SLC35F1: variants seen among roughly 807,000 people sequenced by gnomAD.
SLC35F1 encodes the protein chromosome 6 open reading frame 169.
SLC35F1 carries 14 observed loss-of-function variants against 48.7 expected under a neutral mutation model. The ratio of observed to expected loss-of-function variants is 0.29; its 90% confidence interval spans 0.19 to 0.45. SLC35F1 has a LOEUF of 0.45. SLC35F1 is among the 20% of genes least tolerant of loss of function. SLC35F1 has a pLI of 1.00. For synonymous variants in SLC35F1, 190 were observed against 202.2 expected, an observed-to-expected ratio of 0.94 and a Z score of 0.51; for missense variants, 404 against 500.0, an observed-to-expected ratio of 0.81 and a Z score of 1.83.
chr6:118,038,144 T>C (rs1772161234), intron 1 of SLC35F1, among the ~76,000 whole-genome samples: 1 of 152,196 alleles, frequency 6.6e-6, no homozygotes, highest in African/African-American at 2.4e-5. Flanking sequence ...ATGAGTTATA[T>C]CTACATACAT....
Position 118,235,587 on chromosome 6 carries a change from A to G in SLC35F1, c.428A>G (p.Asn143Ser). ...TTGGGACTCATAGACCTGGAAGCAA[A>G]TTATCTGGTGGTCAAGGCTTACCAA... The part of the protein sequence containing the change: ...MILGLIDLEA[N>S]YLVVKAYQYT... The change falls in exon 3 of 8, where the codon AAT becomes AGT. Residue 143 changes from asparagine to serine, a missense_variant. Asn to Ser is a conservative substitution (Grantham distance 46, BLOSUM62 1). Coordinates refer to ENST00000360388, the MANE Select transcript of SLC35F1 (RefSeq NM_001029858.4). 6.2e-7 allele frequency: 1 copy of G among 1,613,466 alleles called. No individual in the cohort carries two copies. Among genetic ancestry groups the G allele is most frequent in the Non-Finnish European group, 8.5e-7 (1 of 1,179,632 alleles).
chr6:118,182,603 C>T (rs1350258770), intron 2 of SLC35F1, among the ~76,000 whole-genome samples: 3 of 150,366 alleles, frequency 2.0e-5, no homozygotes, highest in African/African-American at 7.3e-5. Flanking sequence ...CAGTGGCTCA[C>T]TCCTGAAATC....
intron 1 of SLC35F1, among the ~76,000 whole-genome samples, chr6:117,924,824 C>T (rs563371530): frequency 2.8e-4 from 42 of 152,202 alleles, no homozygotes; most frequent in African/African-American, 9.4e-4. Context: ...TTTTTGATAT[C>T]ATTTGTATTG....
intron 2 of SLC35F1, among the ~76,000 whole-genome samples, chr6:118,184,900 A>G (rs1774635355): frequency 6.6e-6 from 1 of 152,136 alleles, no homozygotes; most frequent in South Asian, 2.1e-4. Context: ...ATCTTTCCCC[A>G]TATCAGAGAT....
chr6:118,277,381 T>G (rs1164297141), intron 5 of SLC35F1, 113 bp from the exon 6 acceptor site: 2 of 941,150 alleles, frequency 2.1e-6, no homozygotes, highest in Non-Finnish European at 3.3e-6. Context: ...CTGAAATTCA[T>G]CTGGTTGCTT....
At chr6:118,135,711 T>C (rs985090026) in intron 1 of SLC35F1, among the ~76,000 whole-genome samples, 3 of 152,220 alleles carry the variant, frequency 2.0e-5, no homozygotes, top group Non-Finnish European at 2.9e-5. Flanking sequence ...GGTTACAGCT[T>C]TAACAGCACA....
intron 1 of SLC35F1, among the ~76,000 whole-genome samples, chr6:118,131,878 A>G (rs1029554208): frequency 1.3e-5 from 2 of 151,984 alleles, no homozygotes; most frequent in Non-Finnish European, 2.9e-5. Context: ...TTTTGTCTCT[A>G]TGCTTAGATC....
At chr6:118,005,288 C>A (rs929617220) in intron 1 of SLC35F1, among the ~76,000 whole-genome samples, 1 of 152,098 alleles carries the variant, frequency 6.6e-6, no homozygotes, top group Non-Finnish European at 1.5e-5. Flanking sequence ...CAGTGTGACA[C>A]TTAGGAGCTT....
chr6:117,929,453 A>ATG (rs143634465), intron 1 of SLC35F1, among the ~76,000 whole-genome samples: 19,245 of 145,512 alleles, frequency 0.13, 1,558 homozygotes, highest in African/African-American at 0.22. Flanking sequence ...GTATGTATTT[A>ATG]TGTGTGTGTG....
Position 118,248,221 on chromosome 6 carries a change from C to T in SLC35F1, c.477+12585C>T, listed in dbSNP as rs111473319. The stretch of plus-strand genomic sequence containing the variant: ...CAATAAGTGGCAATTTTCTTCTTCC[C>T]TTAAAAGAACTTTCCATTATTTTCA... On this transcript the variant is annotated intron_variant, in intron 3 of 7. Coordinates refer to ENST00000360388, the MANE Select transcript of SLC35F1 (RefSeq NM_001029858.4). Among the ~76,000 whole-genome samples, 1,137 of 152,270 alleles carry T rather than the reference C, an allele frequency of 7.5e-3. 3 individuals are homozygous for T. The highest frequency in any genetic ancestry group is 0.013 in the Non-Finnish European group (872 of 68,012).
intron 1 of SLC35F1, among the ~76,000 whole-genome samples, chr6:118,089,165 C>G (rs4945610): frequency 6.6e-6 from 1 of 151,918 alleles, no homozygotes; most frequent in African/African-American, 2.4e-5. Flanking sequence ...CCCTAGAACT[C>G]TGGCATGAGC....
intron 2 of SLC35F1, among the ~76,000 whole-genome samples, chr6:118,172,364 A>G (rs1445893450): frequency 2.6e-5 from 4 of 152,176 alleles, no homozygotes; most frequent in African/African-American, 9.7e-5. Flanking sequence ...GCCTTTTTCT[A>G]TAACCTAATG....
chr6:118,172,956 A>C (rs1774428476), intron 2 of SLC35F1, among the ~76,000 whole-genome samples: 1 of 152,168 alleles, frequency 6.6e-6, no homozygotes, highest in South Asian at 2.1e-4. Context: ...CAATTAAATG[A>C]AGGAGAAAGA....
chr6:118,211,932 A>T (rs1345530786), intron 2 of SLC35F1, among the ~76,000 whole-genome samples: 1 of 152,268 alleles, frequency 6.6e-6, no homozygotes, highest in African/African-American at 2.4e-5. Flanking sequence ...TGTGGTAGAC[A>T]TTAAATATAT....
At chr6:118,212,327 T>A (rs1312427349) in intron 2 of SLC35F1, among the ~76,000 whole-genome samples, 1 of 152,196 alleles carries the variant, frequency 6.6e-6, no homozygotes, top group Non-Finnish European at 1.5e-5. Flanking sequence ...CTTCCAACCA[T>A]TTACTTTTTC....
intron 1 of SLC35F1, among the ~76,000 whole-genome samples, chr6:117,984,424 C>T (rs1000017684): frequency 2.0e-5 from 3 of 146,892 alleles, no homozygotes; most frequent in Non-Finnish European, 4.4e-5. Context: ...GCGTGAACCT[C>T]GGAGGCCGAG....
intron 1 of SLC35F1, among the ~76,000 whole-genome samples, chr6:118,000,576 A>G (rs1008159909): frequency 6.6e-6 from 1 of 152,184 alleles, no homozygotes; most frequent in African/African-American, 2.4e-5. Flanking sequence ...CCTATTCAAC[A>G]TAGTGTTGGA....
chr6:117,929,471 G>C (rs1562240980), intron 1 of SLC35F1, among the ~76,000 whole-genome samples: 2 of 151,588 alleles, frequency 1.3e-5, no homozygotes, highest in Non-Finnish European at 2.9e-5. Context: ...GTGTGTGTGT[G>C]TGTGTGTGTG....
intron 1 of SLC35F1, among the ~76,000 whole-genome samples, chr6:118,078,609 A>G (rs1038341222): frequency 3.3e-5 from 5 of 152,214 alleles, no homozygotes; most frequent in Non-Finnish European, 5.9e-5. Flanking sequence ...TGGATTACAC[A>G]TTGATTTTTA....
Sources: allele counts gnomAD v4.1 joint callset (sites outside exome capture counted in the v4.1 genomes callset), GRCh38; gene constraint gnomAD v4.1.1; transcripts MANE v1.5; gene names NCBI Gene and HGNC (gene_info 2026-07-23, HGNC 2026-07-21).